Variants in FAM169A observed in about 807,000 individuals in gnomAD.
FAM169A encodes the protein family with sequence similarity 169 member A.
FAM169A carries 24 observed loss-of-function variants against 75.7 expected under a neutral mutation model. The observed-to-expected ratio is 0.32, with a 90% CI of 0.23 to 0.45. The LOEUF (loss-of-function observed/expected upper bound fraction) is 0.45, where lower values mean the gene tolerates loss of function less well. FAM169A is among the 20% of genes least tolerant of loss of function. FAM169A has a pLI of 1.00. For synonymous variants in FAM169A, 271 were observed against 271.0 expected (o/e 1.00, Z 0.00); for missense variants, 673 against 784.0 (o/e 0.86, Z 1.69).
chr5:74,781,272 C>A lies in FAM169A; in HGVS notation c.*188G>T. On this transcript the variant is annotated 3_prime_UTR_variant, in exon 13 of 13. Coordinates refer to ENST00000687041, the MANE Select transcript of FAM169A (RefSeq NM_001376049.1). The stretch of plus-strand genomic sequence containing the variant: ...AAAAAATTGCATTTACCAAAAATAG[C>A]CTGGAAAATTAAAAACAATGGTGAA... 2.0e-6 allele frequency: 1 copy of A among 496,554 alleles called. No individual in the cohort carries two copies. The highest frequency in any genetic ancestry group is 3.5e-6 in the Non-Finnish European group (1 of 286,032). 30.8% of individuals were successfully genotyped at this position (496,554 alleles called of 1,614,324 possible). A position where few individuals can be genotyped will look rare whatever the true frequency, so the allele number is the denominator to read the frequency against.
At chr5:74,784,629 A>AAAT (rs1301351506) in intron 11 of FAM169A, among the ~76,000 whole-genome samples, 2 of 150,098 alleles carry the variant, frequency 1.3e-5, no homozygotes, top group Non-Finnish European at 3.0e-5. Flanking sequence ...AAAAAAAAAA[A>AAAT]AAAATAGGCT....
chr5:74,810,663 T>C (rs1038334081), intron 6 of FAM169A, among the ~76,000 whole-genome samples: 3 of 138,726 alleles, frequency 2.2e-5, no homozygotes, highest in Admixed American at 8.0e-5. Context: ...GGCAGGAGAA[T>C]GGTGTGAACC....
intron 5 of FAM169A, among the ~76,000 whole-genome samples, chr5:74,832,338 G>T (rs1322075296): frequency 6.6e-6 from 1 of 150,554 alleles, no homozygotes; most frequent in African/African-American, 2.5e-5. Flanking sequence ...ATCTATTTCA[G>T]GCAAAGAAGA....
intron 10 of FAM169A, among the ~76,000 whole-genome samples, chr5:74,798,616 A>C (rs892807497): frequency 3.3e-5 from 5 of 152,228 alleles, no homozygotes; most frequent in African/African-American, 9.6e-5. Flanking sequence ...TTGACAGTTA[A>C]AATGGCAAAG....
At chr5:74,847,051 TATA>T (rs1359867512) in intron 1 of FAM169A, among the ~76,000 whole-genome samples, 1 of 152,218 alleles carries the variant, frequency 6.6e-6, no homozygotes, top group Admixed American at 6.5e-5. Flanking sequence ...GGTATCACTA[TATA>T]ATATTTTTCT....
chr5:74,803,733 G>A (rs146227615), intron 8 of FAM169A, among the ~76,000 whole-genome samples: 460 of 152,236 alleles, frequency 3.0e-3, no homozygotes, highest in Middle Eastern at 0.02. Context: ...GTTTGGTAAC[G>A]GGACCTGTCC....
At chr5:74,813,579 G>A (rs1561303027) in intron 6 of FAM169A, among the ~76,000 whole-genome samples, 3 of 152,104 alleles carry the variant, frequency 2.0e-5, no homozygotes, top group South Asian at 4.2e-4. Flanking sequence ...GCCTGCCTCA[G>A]CCTCCCAAAG....
chr5:74,853,497 G>A (rs1014480579), intron 1 of FAM169A, among the ~76,000 whole-genome samples: 7 of 152,102 alleles, frequency 4.6e-5, no homozygotes, highest in African/African-American at 1.2e-4. Context: ...TAGGCAATCT[G>A]TCTCCAGAGG....
chr5:74,846,349 ACT>A (rs1268445975), intron 1 of FAM169A, among the ~76,000 whole-genome samples: 3 of 152,144 alleles, frequency 2.0e-5, no homozygotes, highest in African/African-American at 7.2e-5. Flanking sequence ...GCTGCCAGAA[ACT>A]CTGTCTATAA....
chr5:74,783,057 G>T lies in FAM169A; in HGVS notation c.1338C>A (p.Asp446Glu). 1 of 1,613,522 alleles carries T rather than the reference G, an allele frequency of 6.2e-7. No individual in the cohort carries two copies. The highest frequency in any genetic ancestry group is 1.1e-5 in the South Asian group (1 of 91,078). Residue 446 changes from aspartate to glutamate, a missense_variant, in exon 12 of 13, where the codon GAC (aspartate) becomes GAA (glutamate). By Grantham distance (45) the Asp-to-Glu change is conservative (BLOSUM62 2). Coordinates refer to ENST00000687041, the MANE Select transcript of FAM169A (RefSeq NM_001376049.1). ...CTTCATCTAAAACTTCACTAGTGGAGTCTTCCTCTTCTGTTATAAGTGAGG... is the reference window on the plus strand; with the variant it reads ...CTTCATCTAAAACTTCACTAGTGGATTCTTCCTCTTCTGTTATAAGTGAGG... ...LKTSLITEEE[D>E]STSEVLDEEL...
chr5:74,810,816 G>GC (rs1266854874), intron 6 of FAM169A, among the ~76,000 whole-genome samples: 145 of 115,200 alleles, frequency 1.3e-3, no homozygotes, highest in Non-Finnish European at 2.3e-3. Flanking sequence ...ATAGATATTT[G>GC]CCCTTTTTTT....
chr5:74,806,816 A>T (rs1415627310), intron 6 of FAM169A, among the ~76,000 whole-genome samples: 1 of 152,236 alleles, frequency 6.6e-6, no homozygotes, highest in African/African-American at 2.4e-5. Context: ...AATTCAAAAG[A>T]CAAAGTTATC....
intron 11 of FAM169A, among the ~76,000 whole-genome samples, chr5:74,784,758 A>G (rs1745603812): frequency 6.6e-6 from 1 of 151,042 alleles, no homozygotes; most frequent in Admixed American, 6.6e-5. Context: ...CTCTACTAAA[A>G]AATACAAAAA....
chr5:74,822,221 C>T (rs1166775241), intron 5 of FAM169A, among the ~76,000 whole-genome samples: 4 of 152,178 alleles, frequency 2.6e-5, no homozygotes, highest in African/African-American at 9.7e-5. Context: ...CTTCCTCATC[C>T]CTTACATCTT....
chr5:74,845,072 G>GA (rs773810270), intron 1 of FAM169A, among the ~76,000 whole-genome samples: 20 of 152,044 alleles, frequency 1.3e-4, no homozygotes, highest in Non-Finnish European at 2.4e-4. Context: ...GCAAGAAACT[G>GA]AAAATCCAGA....
intron 2 of FAM169A, 37 bp downstream of exon 2, chr5:74,841,508 T>C (rs1295624215): frequency 6.7e-7 from 1 of 1,498,942 alleles, no homozygotes; most frequent in East Asian, 2.4e-5. Flanking sequence ...TAAACTGAAC[T>C]GAAAAGATTG....
At chr5:74,863,535 T>G (rs892201073) in intron 1 of FAM169A, among the ~76,000 whole-genome samples, 7 of 152,334 alleles carry the variant, frequency 4.6e-5, no homozygotes, top group African/African-American at 1.7e-4. Context: ...TGGGAACCAC[T>G]ACATGAATAC....
At chr5:74,794,553 C>A (rs1361329292) in intron 11 of FAM169A, among the ~76,000 whole-genome samples, 1 of 151,086 alleles carries the variant, frequency 6.6e-6, no homozygotes, top group Non-Finnish European at 1.5e-5. Context: ...CCCGTCTTGG[C>A]GGATCACAAG....
chr5:74,782,385 C>A (rs1745456918), intron 12 of FAM169A, among the ~76,000 whole-genome samples: 1 of 152,160 alleles, frequency 6.6e-6, no homozygotes, highest in South Asian at 2.1e-4. Flanking sequence ...CACTGCGCTA[C>A]CACACTACGT....
Sources: allele counts gnomAD v4.1 joint callset (sites outside exome capture counted in the v4.1 genomes callset), GRCh38; gene constraint gnomAD v4.1.1; transcripts MANE v1.5; gene names NCBI Gene and HGNC (gene_info 2026-07-23, HGNC 2026-07-21).